The following MBNL2 variants were observed in gnomAD, a reference collection of about 807,000 sequenced individuals.
MBNL2 encodes muscleblind like splicing regulator 2.
MBNL2 carries 17 observed loss-of-function variants against 41.9 expected under a neutral mutation model. The ratio of observed to expected loss-of-function variants is 0.41; its 90% CI spans 0.28 to 0.61. MBNL2 has a LOEUF of 0.61. MBNL2 is among the 20% of genes least tolerant of loss of function. The probability of loss-of-function intolerance (pLI) is 0.35; values close to 1 mark genes in which losing one functional copy is unlikely to be tolerated. For missense variants in MBNL2, 336 were observed against 505.6 expected (o/e 0.66, Z 3.22); for synonymous variants, 195 against 182.9 (o/e 1.07, Z -0.53).
intron 8 of MBNL2, among the ~76,000 whole-genome samples, chr13:97,389,712 A>AAAAGAAAGAAAGAAAGAAAG (rs147584909): frequency 1.3e-5 from 2 of 151,632 alleles, no homozygotes; most frequent in Non-Finnish European, 2.9e-5. Flanking sequence ...TCTCAAAAAA[A>AAAAGAAAGAAAGAAAGAAAG]AAAGAAAGAA....
At chr13:97,347,210 T>C (rs2061965491) in intron 5 of MBNL2, 143 bp downstream of exon 5, 1 of 662,612 alleles carries the variant, frequency 1.5e-6, no homozygotes, top group Admixed American at 3.4e-5. Flanking sequence ...TTTGCTGTTG[T>C]TTTCCCCCTT....
chr13:97,231,260 A>T (rs371417054), intron 1 of MBNL2, among the ~76,000 whole-genome samples: 1 of 152,232 alleles, frequency 6.6e-6, no homozygotes, highest in East Asian at 1.9e-4. Context: ...AGCACTTCTC[A>T]AACTCTCATG....
rs528932204 is a variant in MBNL2, at chr13:97,353,425, G to T, written c.805-3371G>T. Among the ~76,000 whole-genome samples, 3 of 152,242 alleles carry T rather than the reference G, an allele frequency of 2.0e-5. No homozygotes were observed. The South Asian group carries it at 6.2e-4, about 32-fold the overall frequency. ...ATTACTTTATTTCCTTATTTAAAAG[G>T]ACAAACAGGAGTGATGAATAGAGTT... On this transcript the variant is annotated intron_variant, in intron 5 of 8. Transcript: ENST00000679496.
intron 2 of MBNL2, among the ~76,000 whole-genome samples, chr13:97,329,525 C>T (rs552653607): frequency 6.6e-6 from 1 of 151,490 alleles, no homozygotes; most frequent in East Asian, 1.9e-4. Flanking sequence ...CCCTTCTCTG[C>T]ACTGGCCTTA....
intron 1 of MBNL2, among the ~76,000 whole-genome samples, chr13:97,224,628 CAAAAAAAA>C (rs538498133): frequency 5.6e-4 from 60 of 107,434 alleles, no homozygotes; most frequent in African/African-American, 2.0e-3. Context: ...GACCTTTTAC[CAAAAAAAA>C]AAAAAAAAAA....
In MBNL2 at chr13:97,334,489, A is replaced by T; in HGVS notation, c.339+49A>T. 7.0e-7 allele frequency: 1 copy of T among 1,422,880 alleles called. No individual in the cohort carries two copies. 88.1% of individuals were successfully genotyped at this position (1,422,880 alleles called of 1,614,324 possible). On this transcript the variant is annotated intron_variant, in intron 3 of 8. Transcript: ENST00000679496. This position sits in a 1 kb window ranked among gnomAD's most constrained non-coding sequence, Gnocchi z 5.3. ...TGAGTTGGATGGTTACAGTGTTGGT[A>T]TGGATGATGCCACGTTGACCTAGGG...
the MBNL2 span, among the ~76,000 whole-genome samples, chr13:97,186,236 C>T: frequency 2.0e-5 from 3 of 152,144 alleles, no homozygotes; most frequent in East Asian, 3.8e-4. Flanking sequence ...GGCATGCTAC[C>T]GTAGATGCTT....
chr13:97,271,413 C>A (rs891328602), intron 1 of MBNL2, among the ~76,000 whole-genome samples: 1 of 148,406 alleles, frequency 6.7e-6, no homozygotes, highest in Non-Finnish European at 1.5e-5. Flanking sequence ...CAGCCTACTC[C>A]ACTTTTTAAG....
chr13:97,180,430 C>G, the MBNL2 span, among the ~76,000 whole-genome samples: 3 of 152,142 alleles, frequency 2.0e-5, no homozygotes, highest in Admixed American at 2.0e-4. Context: ...AAAAAATTTA[C>G]CATTTTTTAT....
Position 97,346,714 on chromosome 13 carries a change from C to A in MBNL2, c.541-90C>A. On this transcript the variant is annotated intron_variant, in intron 4 of 8. Transcript: ENST00000679496. The surrounding 1 kb of genome is among the most constrained non-coding windows in gnomAD (Gnocchi z 4.2). ...ACATGAGCCACCATTGAAAGCGAGGCAGCCTCCGCTCCTCCCGCGGTGGCC... is the reference window on the plus strand; with the variant it reads ...ACATGAGCCACCATTGAAAGCGAGGAAGCCTCCGCTCCTCCCGCGGTGGCC... The A allele has an allele frequency of 1.9e-6, 2 of 1,041,508 alleles. No homozygotes were observed. The highest frequency in any genetic ancestry group is 2.8e-6 in the Non-Finnish European group (2 of 708,464). 64.5% of individuals were successfully genotyped at this position (1,041,508 alleles called of 1,614,324 possible).
chr13:97,271,945 A>G (rs746634277), intron 1 of MBNL2, among the ~76,000 whole-genome samples: 2 of 152,158 alleles, frequency 1.3e-5, no homozygotes, highest in Non-Finnish European at 2.9e-5. Flanking sequence ...ATACCCAGTA[A>G]TGAGATTTTT....
intron 2 of MBNL2, among the ~76,000 whole-genome samples, chr13:97,333,074 A>C (rs1437053353): frequency 1.3e-5 from 2 of 152,214 alleles, no homozygotes; most frequent in African/African-American, 2.4e-5. Flanking sequence ...CCAGATGTTT[A>C]GAATTAGGAT....
rs774017148 is a variant in MBNL2, at chr13:97,268,473, G to T, written c.-604-7159G>T. Among the ~76,000 whole-genome samples the T allele has an allele frequency of 6.6e-6, 1 of 152,112 alleles. No homozygotes were observed. Among genetic ancestry groups the T allele is most frequent in the Non-Finnish European group, 1.5e-5 (1 of 68,026 alleles). On this transcript the variant is annotated intron_variant, in intron 1 of 8. Coordinates refer to ENST00000679496, the MANE Select transcript of MBNL2 (RefSeq NM_001382683.1). The surrounding 1 kb of genome is among the most constrained non-coding windows in gnomAD (Gnocchi z 4.6). ...GCCCAGGCACAACACTTTAAAAACCGCTGGACTAAAGATCTGGGCATTGAG... is the reference window on the plus strand; with the variant it reads ...GCCCAGGCACAACACTTTAAAAACCTCTGGACTAAAGATCTGGGCATTGAG...
chr13:97,345,542 AAACT>A (rs1294117112), intron 4 of MBNL2, among the ~76,000 whole-genome samples: 1 of 152,212 alleles, frequency 6.6e-6, no homozygotes, highest in Non-Finnish European at 1.5e-5. Context: ...TTTTTAAAAT[AAACT>A]ATTTCCCTCC....
At chr13:97,213,388 T>C in the MBNL2 span, among the ~76,000 whole-genome samples, 1 of 152,172 alleles carries the variant, frequency 6.6e-6, no homozygotes, top group Non-Finnish European at 1.5e-5. Context: ...GTTAGATTTC[T>C]TTTTTTAAGT....
rs1429363147 is a variant in MBNL2 at position 97,268,916 on chromosome 13, A to G, written c.-604-6716A>G. ...GGCAGTATTAAAGATGGGCTGTAGGAGAGGGTGTCAAAAGGGAAAGGACGA... is the reference window on the plus strand; with the variant it reads ...GGCAGTATTAAAGATGGGCTGTAGGGGAGGGTGTCAAAAGGGAAAGGACGA... On this transcript the variant is annotated intron_variant, in intron 1 of 8. Coordinates refer to ENST00000679496, the MANE Select transcript of MBNL2 (RefSeq NM_001382683.1). The surrounding 1 kb of genome is among the most constrained non-coding windows in gnomAD (Gnocchi z 4.6). Among the ~76,000 whole-genome samples the G allele has an allele frequency of 6.6e-6, 1 of 152,184 alleles. No homozygotes were observed. The highest frequency in any genetic ancestry group is 2.4e-5 in the African/African-American group (1 of 41,432).
chr13:97,143,389 A>G, the MBNL2 span, among the ~76,000 whole-genome samples: 5 of 152,238 alleles, frequency 3.3e-5, no homozygotes, highest in African/African-American at 1.2e-4. Flanking sequence ...CCTTCCTGCC[A>G]TCAACACTTC....
At chr13:97,321,565 C>T (rs560900630) in intron 2 of MBNL2, among the ~76,000 whole-genome samples, 19 of 152,280 alleles carry the variant, frequency 1.2e-4, no homozygotes, top group African/African-American at 3.9e-4. Context: ...GGAGAAGGCA[C>T]GTGTTTTGGT....
the MBNL2 span, among the ~76,000 whole-genome samples, chr13:97,156,423 G>C: frequency 1.4e-5 from 2 of 144,166 alleles, no homozygotes; most frequent in Non-Finnish European, 3.0e-5. Context: ...GTCAATTTTG[G>C]CTTTTGTTGC....
Sources: allele counts gnomAD v4.1 joint callset (sites outside exome capture counted in the v4.1 genomes callset), GRCh38; gene constraint gnomAD v4.1.1; non-coding constraint Gnocchi (gnomAD v3.1); transcripts MANE v1.5; gene names NCBI Gene and HGNC (gene_info 2026-07-23, HGNC 2026-07-21).